The following GRM5 variants were observed in gnomAD, a reference collection of about 807,000 sequenced individuals.
GRM5 encodes the protein glutamate metabotropic receptor 5, also known as metabotropic glutamate receptor 5.
GRM5 carries 19 observed loss-of-function variants against 83.1 expected under a neutral mutation model. The observed-to-expected ratio is 0.23, with a 90% CI of 0.16 to 0.34. The LOEUF is 0.34. GRM5 is among the 10% of genes least tolerant of loss of function. The pLI is 1.00. For synonymous variants in GRM5, 675 were observed against 633.6 expected (o/e 1.07, Z -0.98); for missense variants, 1,160 against 1,588.3 (o/e 0.73, Z 4.58).
At chr11:88,683,652 AAC>A (rs1337391321) in intron 3 of GRM5, among the ~76,000 whole-genome samples, 1 of 152,224 alleles carries the variant, frequency 6.6e-6, no homozygotes, top group Non-Finnish European at 1.5e-5. Context: ...GTTTAAAAGT[AAC>A]TCTTTCTGCT....
intron 3 of GRM5, among the ~76,000 whole-genome samples, chr11:88,693,879 G>A (rs748419720): frequency 6.6e-6 from 1 of 152,164 alleles, no homozygotes; most frequent in Non-Finnish European, 1.5e-5. Context: ...GGATCTTAAT[G>A]GTGAGAGGGA....
At chr11:88,745,536 T>C (rs562516497) in intron 3 of GRM5, among the ~76,000 whole-genome samples, 7 of 152,302 alleles carry the variant, frequency 4.6e-5, no homozygotes, top group African/African-American at 1.4e-4. Context: ...TATAACATTC[T>C]TAGGCTGAGC....
chr11:88,810,294 C>A (rs188838428), intron 3 of GRM5, among the ~76,000 whole-genome samples: 123 of 152,064 alleles, frequency 8.1e-4, no homozygotes, highest in Middle Eastern at 3.4e-3. Flanking sequence ...GTTAAAAAAA[C>A]TTGGGCTGGC....
At chr11:88,653,009 G>A (rs1939672631) in intron 4 of GRM5, among the ~76,000 whole-genome samples, 159 bp downstream of exon 4, 1 of 151,952 alleles carries the variant, frequency 6.6e-6, no homozygotes, top group African/African-American at 2.4e-5. Context: ...TTTTCCTAAT[G>A]AGACTAAAAC....
chr11:89,041,182 C>T (rs577957304), intron 2 of GRM5, among the ~76,000 whole-genome samples: 2 of 152,316 alleles, frequency 1.3e-5, no homozygotes, highest in African/African-American at 4.8e-5. Flanking sequence ...TGATAGGCTA[C>T]ATCCTAAGAG....
At chr11:88,955,063 G>GT (rs532906665) in intron 2 of GRM5, among the ~76,000 whole-genome samples, 17 of 152,048 alleles carry the variant, frequency 1.1e-4, no homozygotes, top group Non-Finnish European at 1.9e-4. Context: ...GCTTTCACGT[G>GT]TTTTTTTTCC....
At chr11:89,050,631 G>T (rs2135155775) in intron 1 of GRM5, among the ~76,000 whole-genome samples, 1 of 152,136 alleles carries the variant, frequency 6.6e-6, no homozygotes, top group South Asian at 2.1e-4. Flanking sequence ...ATACCCAAAG[G>T]AATATAAATC....
chr11:88,626,200 C>T (rs1176445099), intron 4 of GRM5, among the ~76,000 whole-genome samples: 1 of 152,204 alleles, frequency 6.6e-6, no homozygotes, highest in Non-Finnish European at 1.5e-5. Flanking sequence ...TACTGCTACA[C>T]ACAGCTTTGT....
Position 88,509,159 on chromosome 11 carries a change from C to A in GRM5, c.3072G>T (p.Thr1024=). 6.5e-7 allele frequency: 1 copy of A among 1,538,452 alleles called. No homozygotes were observed. ...TGGCCGAGCCCGCGCGGTGGCTCAG[C>A]GTGCTGATGGGCGACGGTGAGCGCG... ...ARPRSPSPIS[T]LSHRAGSASR... is the part of the protein sequence containing the mutation. The change falls in exon 10 of 10, where the codon ACG becomes ACT. Residue 1024 remains threonine, a synonymous_variant. Transcript: ENST00000305447.
intron 9 of GRM5, among the ~76,000 whole-genome samples, chr11:88,515,450 G>A (rs1438335547): frequency 6.6e-6 from 1 of 152,222 alleles, no homozygotes; most frequent in South Asian, 2.1e-4. Flanking sequence ...CAAGAAGCTA[G>A]AATAAAGGAT....
intron 1 of GRM5, among the ~76,000 whole-genome samples, chr11:89,065,019 A>T (rs1942071871): frequency 6.7e-6 from 1 of 150,320 alleles, no homozygotes. Flanking sequence ...CACTGGGAGT[A>T]TATGAACTTG....
intron 3 of GRM5, among the ~76,000 whole-genome samples, chr11:88,759,629 G>A (rs1942469960): frequency 1.3e-5 from 2 of 152,108 alleles, no homozygotes; most frequent in South Asian, 4.1e-4. Flanking sequence ...ATAATAGTGG[G>A]AGATTTCAGC....
intron 2 of GRM5, among the ~76,000 whole-genome samples, chr11:88,980,852 A>G (rs142293684): frequency 6.6e-6 from 1 of 152,078 alleles, no homozygotes; most frequent in African/African-American, 2.4e-5. Flanking sequence ...AAATAAAAGG[A>G]TATAACCTGA....
chr11:88,909,290 A>G (rs1371685031), intron 2 of GRM5, among the ~76,000 whole-genome samples: 6 of 152,084 alleles, frequency 3.9e-5, no homozygotes, highest in African/African-American at 1.2e-4. Flanking sequence ...TACATGTAGT[A>G]TATTAGCAAA....
chr11:88,980,679 C>T (rs1475799441), intron 2 of GRM5, among the ~76,000 whole-genome samples: 4 of 151,922 alleles, frequency 2.6e-5, no homozygotes, highest in African/African-American at 7.2e-5. Flanking sequence ...AAAAGTTAGT[C>T]GGGCGTGGTG....
At chr11:88,554,748 G>C (rs1235632275) in intron 8 of GRM5, among the ~76,000 whole-genome samples, 3 of 152,106 alleles carry the variant, frequency 2.0e-5, no homozygotes, top group Admixed American at 2.0e-4. Context: ...AGGTGAAAAA[G>C]TGTTCCCCTC....
intron 4 of GRM5, among the ~76,000 whole-genome samples, chr11:88,648,800 C>T (rs1290058531): frequency 6.6e-6 from 1 of 151,376 alleles, no homozygotes; most frequent in Admixed American, 6.6e-5. Flanking sequence ...CTTTCTGAAT[C>T]ATAGAAAAAA....
intron 2 of GRM5, among the ~76,000 whole-genome samples, chr11:88,931,737 CTTAT>C: frequency 6.6e-6 from 1 of 152,152 alleles, no homozygotes; most frequent in African/African-American, 2.4e-5. Flanking sequence ...CACATCTCAC[CTTAT>C]TTCTTATTTA....
intron 3 of GRM5, among the ~76,000 whole-genome samples, chr11:88,730,248 A>G (rs1002213998): frequency 5.9e-5 from 9 of 152,204 alleles, no homozygotes; most frequent in Non-Finnish European, 1.2e-4. Flanking sequence ...AAAGACATTT[A>G]TGCGGCCAAC....
Sources: allele counts gnomAD v4.1 joint callset (sites outside exome capture counted in the v4.1 genomes callset), GRCh38; gene constraint gnomAD v4.1.1; transcripts MANE v1.5; gene names NCBI Gene and HGNC (gene_info 2026-07-23, HGNC 2026-07-21).